TENM4: variants seen among roughly 807,000 people sequenced by gnomAD.
TENM4 encodes the protein teneurin transmembrane protein 4, also known as teneurin-4.
Under a neutral mutation model 243.3 loss-of-function variants are expected in TENM4, and 82 were observed. The observed-to-expected ratio is 0.34, with a 90% CI of 0.28 to 0.40. The LOEUF (loss-of-function observed/expected upper bound fraction) is 0.40. TENM4 is among the 10% of genes least tolerant of loss of function. The pLI is 1.00. For synonymous variants in TENM4, 1,412 were observed against 1,456.3 expected, an observed-to-expected ratio of 0.97 and a Z score of 0.69; for missense variants, 3,138 against 3,673.3, an observed-to-expected ratio of 0.85 and a Z score of 3.77.
At chr11:78,987,946 C>T (rs1857956016) in intron 6 of TENM4, among the ~76,000 whole-genome samples, 1 of 152,134 alleles carries the variant, frequency 6.6e-6, no homozygotes, top group South Asian at 2.1e-4. Context: ...GGTGCTATTA[C>T]CTCTTGACAA....
intron 13 of TENM4, among the ~76,000 whole-genome samples, chr11:78,812,942 A>G (rs1857530062): frequency 6.6e-6 from 1 of 152,230 alleles, no homozygotes; most frequent in African/African-American, 2.4e-5. Flanking sequence ...AAAATAAATT[A>G]TACTGCATTG....
At chr11:78,835,925 C>A (rs1003426562) in intron 12 of TENM4, among the ~76,000 whole-genome samples, 1 of 152,212 alleles carries the variant, frequency 6.6e-6, no homozygotes, top group Admixed American at 6.5e-5. Flanking sequence ...GACCAGAGTG[C>A]AAGGCATATA....
chr11:79,365,180 C>A (rs1422997249), intron 1 of TENM4, among the ~76,000 whole-genome samples: 1 of 152,178 alleles, frequency 6.6e-6, no homozygotes, highest in East Asian at 1.9e-4. Context: ...AGGCTTTGAG[C>A]TGGGATAAGC....
At chr11:79,058,829 A>G (rs1392811948) in intron 6 of TENM4, among the ~76,000 whole-genome samples, 5 of 152,162 alleles carry the variant, frequency 3.3e-5, no homozygotes, top group Admixed American at 1.3e-4. Flanking sequence ...AGAGTAATCA[A>G]ATGTGGGGCC....
At chr11:79,104,745 G>T (rs1052155890) in intron 4 of TENM4, among the ~76,000 whole-genome samples, 1 of 152,228 alleles carries the variant, frequency 6.6e-6, no homozygotes, top group Non-Finnish European at 1.5e-5. Flanking sequence ...AAGAGTATGT[G>T]ATATTACTAG....
chr11:79,417,737 G>A (rs1205742985), intron 1 of TENM4, among the ~76,000 whole-genome samples: 1 of 151,904 alleles, frequency 6.6e-6, no homozygotes, highest in Admixed American at 6.6e-5. Flanking sequence ...CAAGCTCCTT[G>A]TGGCCTTCTT....
chr11:78,800,776 A>G (rs2136074407), intron 15 of TENM4, among the ~76,000 whole-genome samples: 1 of 152,092 alleles, frequency 6.6e-6, no homozygotes, highest in South Asian at 2.1e-4. Context: ...ATTGATTAGA[A>G]TACATCAGTC....
chr11:78,802,885 C>A (rs1258576974), intron 15 of TENM4, among the ~76,000 whole-genome samples: 1 of 152,162 alleles, frequency 6.6e-6, no homozygotes, highest in Non-Finnish European at 1.5e-5. Flanking sequence ...AAATTAGAAT[C>A]TATATTTCTG....
intron 19 of TENM4, among the ~76,000 whole-genome samples, chr11:78,751,778 G>A (rs887623290): frequency 6.6e-6 from 1 of 152,150 alleles, no homozygotes. Flanking sequence ...GATGTCTCAC[G>A]TTGCCCTCCC....
At chr11:79,122,044 AT>A (rs1343242605) in intron 4 of TENM4, among the ~76,000 whole-genome samples, 1 of 152,140 alleles carries the variant, frequency 6.6e-6, no homozygotes, top group Non-Finnish European at 1.5e-5. Context: ...CTAAGGTAAA[AT>A]TTCAATGTCT....
At chr11:79,409,049 T>C (rs1858631324) in intron 1 of TENM4, among the ~76,000 whole-genome samples, 1 of 150,802 alleles carries the variant, frequency 6.6e-6, no homozygotes, top group Non-Finnish European at 1.5e-5. Flanking sequence ...GTGTTGTCTA[T>C]GAGGGATATT....
At chr11:79,034,801 A>G (rs1591227752) in intron 6 of TENM4, among the ~76,000 whole-genome samples, 1 of 152,304 alleles carries the variant, frequency 6.6e-6, no homozygotes, top group South Asian at 2.1e-4. Context: ...AAGAGCAGAC[A>G]TGGTGAGCGA....
At chr11:78,722,623 A>T (rs750303151) in intron 24 of TENM4, 45 bp downstream of exon 24, 2 of 1,587,422 alleles carry the variant, frequency 1.3e-6, no homozygotes, top group African/African-American at 2.7e-5. Flanking sequence ...AAGGATGGCA[A>T]AGGCATATTA....
At chr11:78,753,904 C>T (rs1856247377) in intron 19 of TENM4, among the ~76,000 whole-genome samples, 1 of 152,068 alleles carries the variant, frequency 6.6e-6, no homozygotes, top group Non-Finnish European at 1.5e-5. Context: ...GCAAAGTTGA[C>T]TTCTTCTGCT....
intron 2 of TENM4, among the ~76,000 whole-genome samples, chr11:79,280,978 C>T (rs1390155100): frequency 6.6e-6 from 1 of 152,188 alleles, no homozygotes; most frequent in Non-Finnish European, 1.5e-5. Context: ...AGGTCACAGT[C>T]AATTTGTTTT....
At chr11:79,069,208 A>G (rs938356915) in intron 5 of TENM4, among the ~76,000 whole-genome samples, 1 of 152,212 alleles carries the variant, frequency 6.6e-6, no homozygotes, top group Non-Finnish European at 1.5e-5. Context: ...CATCTCGGGA[A>G]GGTCTTCCTC....
At position 79,064,773 on chromosome 11, in the gene TENM4, G is replaced by C; in HGVS notation, c.458C>G (p.Thr153Arg). ...GTTTTCATGCTCGGTGTCGGTGAGT[G>C]TGAGATTGGAATTGGCCCGGCTGGA... ...CLSSRANSNL[T>R]LTDTEHENTE... The change falls in exon 6 of 34, where the codon ACA becomes AGA. Residue 153 changes from threonine (T) to arginine (R), a missense_variant. Thr to Arg is a moderately conservative substitution (Grantham distance 71). Around this residue, in one of 2 missense-constraint regions of TENM4, gnomAD observed 671 missense variants for 614.1 expected, o/e 1.09. Coordinates refer to ENST00000278550, the MANE Select transcript of TENM4 (RefSeq NM_001098816.3). 1 of 1,551,692 alleles carries C rather than the reference G, an allele frequency of 6.4e-7. No homozygotes were observed. Among genetic ancestry groups the C allele is most frequent in the Non-Finnish European group, 8.7e-7 (1 of 1,146,984 alleles).
At chr11:79,028,404 A>G (rs1386005693) in intron 6 of TENM4, among the ~76,000 whole-genome samples, 1 of 152,156 alleles carries the variant, frequency 6.6e-6, no homozygotes, top group Non-Finnish European at 1.5e-5. Flanking sequence ...CCTGTAAGGG[A>G]GGGAGAAAAG....
intron 6 of TENM4, among the ~76,000 whole-genome samples, chr11:78,957,279 A>G (rs1433080922): frequency 6.6e-6 from 1 of 152,188 alleles, no homozygotes; most frequent in Non-Finnish European, 1.5e-5. Flanking sequence ...AAAGAAGCAC[A>G]TCCAAGTAAC....
Sources: gnomAD v4.1 joint callset for allele counts (sites outside exome capture counted in the v4.1 genomes callset) on GRCh38, gnomAD v4.1.1 for gene constraint, gnomAD v4.1.1 regional missense constraint, MANE v1.5 for transcripts, NCBI Gene and HGNC (gene_info 2026-07-23, HGNC 2026-07-21) for gene names.